RHBDD1: variants seen among roughly 807,000 people sequenced by gnomAD.
The protein encoded by RHBDD1 is rhomboid-related protein 4.
RHBDD1 carries 38 observed loss-of-function variants against 36.3 expected under a neutral mutation model. That is an observed-to-expected ratio of 1.05 (90% CI 0.81 to 1.37). RHBDD1 has a LOEUF of 1.37. Among genes scored for constraint, RHBDD1 ranks in the 40% most tolerant of loss-of-function variants. RHBDD1 has a pLI of 0.00. For missense variants in RHBDD1, 393 were observed against 377.6 expected (o/e 1.04, Z -0.34); for synonymous variants, 151 against 136.5 (o/e 1.11, Z -0.74).
chr2:226,855,971 A>G (rs1226811899), intron 3 of RHBDD1, among the ~76,000 whole-genome samples: 1 of 152,196 alleles, frequency 6.6e-6, no homozygotes, highest in Non-Finnish European at 1.5e-5. Flanking sequence ...TCATTAATGT[A>G]GCTCTGGAAG....
At chr2:226,911,322 G>A (rs542119642) in intron 7 of RHBDD1, among the ~76,000 whole-genome samples, 107 of 152,184 alleles carry the variant, frequency 7.0e-4, no homozygotes, top group South Asian at 3.3e-3. Context: ...AGCCATGTGG[G>A]AAATTACCCA....
intron 8 of RHBDD1, among the ~76,000 whole-genome samples, chr2:226,937,830 T>C (rs1218062043): frequency 2.0e-5 from 3 of 152,230 alleles, no homozygotes; most frequent in Non-Finnish European, 2.9e-5. Flanking sequence ...ATTTTCTTTA[T>C]CCAGTCTATC....
intron 3 of RHBDD1, among the ~76,000 whole-genome samples, chr2:226,848,865 G>C (rs1423207129): frequency 6.6e-6 from 1 of 152,174 alleles, no homozygotes; most frequent in South Asian, 2.1e-4. Flanking sequence ...AATTTATAAA[G>C]TTTAGAGGAT....
chr2:226,880,489 T>A (rs1191235337), intron 5 of RHBDD1, among the ~76,000 whole-genome samples: 1 of 152,198 alleles, frequency 6.6e-6, no homozygotes, highest in East Asian at 1.9e-4. Context: ...TCAGATTTTA[T>A]GAGATGAGAA....
At chr2:226,812,590 C>T in the RHBDD1 span, among the ~76,000 whole-genome samples, 1 of 152,066 alleles carries the variant, frequency 6.6e-6, no homozygotes, top group African/African-American at 2.4e-5. Flanking sequence ...GAACAATCCC[C>T]ATGGTGGGGG....
chr2:226,915,688 G>A (rs766154622), intron 8 of RHBDD1, among the ~76,000 whole-genome samples: 20 of 152,072 alleles, frequency 1.3e-4, no homozygotes, highest in Admixed American at 3.3e-4. Flanking sequence ...GACAACAAGC[G>A]GGAGACAAGT....
chr2:226,883,007 C>T (rs1945899196), intron 5 of RHBDD1, among the ~76,000 whole-genome samples: 1 of 152,188 alleles, frequency 6.6e-6, no homozygotes, highest in African/African-American at 2.4e-5. Flanking sequence ...TCATCTAAAT[C>T]TAAATATCTC....
At chr2:226,877,835 A>G (rs1184553910) in intron 5 of RHBDD1, among the ~76,000 whole-genome samples, 8 of 152,224 alleles carry the variant, frequency 5.3e-5, no homozygotes, top group African/African-American at 1.9e-4. Flanking sequence ...CCTAAACACC[A>G]TGAATATGTG....
At chr2:226,928,379 T>A (rs1159974297) in intron 8 of RHBDD1, among the ~76,000 whole-genome samples, 2 of 152,046 alleles carry the variant, frequency 1.3e-5, no homozygotes, top group Admixed American at 1.3e-4. Flanking sequence ...ACATGGAAAT[T>A]AAGCAAATCT....
intron 8 of RHBDD1, among the ~76,000 whole-genome samples, chr2:226,957,705 AAG>A (rs1951872216): frequency 6.6e-6 from 1 of 152,196 alleles, no homozygotes; most frequent in Non-Finnish European, 1.5e-5. Context: ...CAATAACCAC[AAG>A]ACAGCCCACT....
intron 5 of RHBDD1, among the ~76,000 whole-genome samples, chr2:226,883,737 G>A (rs1945976862): frequency 6.6e-6 from 1 of 152,120 alleles, no homozygotes. Flanking sequence ...GATGAGTGGA[G>A]GTTATTTTAA....
chr2:226,821,006 C>CCCCAT, the RHBDD1 span, among the ~76,000 whole-genome samples: 1 of 152,150 alleles, frequency 6.6e-6, no homozygotes, highest in Non-Finnish European at 1.5e-5. Flanking sequence ...CTTCTGGTAC[C>CCCCAT]CCCATCCTCT....
In RHBDD1 at chr2:226,879,072, CAAA is replaced by C. The variant is rs916415771; in HGVS notation, c.566+11770_566+11772del. Among the ~76,000 whole-genome samples the C allele has an allele frequency of 3.0e-4, 25 of 84,088 alleles. 1 individual carries two copies. The highest frequency in any genetic ancestry group is 7.6e-4 in the African/African-American group (21 of 27,730). 55.2% of individuals were successfully genotyped at this position (84,088 alleles called of 152,430 possible). ...ATTTAGTGTGTCACAACTGGCATTC[CAAA>C]AAAAAAAAAAAAAAACAGACATAGA... On this transcript the variant is annotated intron_variant, in intron 5 of 8. Transcript: ENST00000392062.
intron 5 of RHBDD1, among the ~76,000 whole-genome samples, chr2:226,898,628 A>G (rs1332638341): frequency 6.6e-6 from 1 of 152,256 alleles, no homozygotes; most frequent in African/African-American, 2.4e-5. Context: ...CATCAAGGAC[A>G]GAAAACAAGA....
chr2:226,948,564 TAAAAAAAA>T (rs56325989), intron 8 of RHBDD1, among the ~76,000 whole-genome samples: 107 of 23,550 alleles, frequency 4.5e-3, no homozygotes, highest in African/African-American at 0.019. Flanking sequence ...ACTTAAAGTA[TAAAAAAAA>T]AAAAAAAAAA....
chr2:226,948,587 G>GAAAAAAAAAAAAAAAAAAAAA (rs1951188463), intron 8 of RHBDD1, among the ~76,000 whole-genome samples: 2 of 82,516 alleles, frequency 2.4e-5, no homozygotes, highest in African/African-American at 4.8e-5. Flanking sequence ...AAAAAAAAAC[G>GAAAAAAAAAAAAAAAAAAAAA]AAAAAAATAA....
intron 8 of RHBDD1, among the ~76,000 whole-genome samples, chr2:226,954,307 C>G (rs55796888): frequency 0.078 from 11,842 of 152,114 alleles, 511 homozygotes; most frequent in East Asian, 0.18. Context: ...ATTGATATTT[C>G]TTAGACCATA....
At chr2:226,954,828 G>A (rs1377398405) in intron 8 of RHBDD1, among the ~76,000 whole-genome samples, 1 of 151,946 alleles carries the variant, frequency 6.6e-6, no homozygotes, top group Admixed American at 6.6e-5. Context: ...TTAAGTTGAG[G>A]CCTAAAAGAA....
At chr2:226,919,784 C>T (rs147321172) in intron 8 of RHBDD1, among the ~76,000 whole-genome samples, 8 of 151,904 alleles carry the variant, frequency 5.3e-5, no homozygotes, top group African/African-American at 1.9e-4. Flanking sequence ...TCTTTCTGCT[C>T]GGGATAGCTT....
Sources: gnomAD v4.1 joint callset for allele counts (sites outside exome capture counted in the v4.1 genomes callset) on GRCh38, gnomAD v4.1.1 for gene constraint, MANE v1.5 for transcripts, NCBI Gene and HGNC (gene_info 2026-07-23, HGNC 2026-07-21) for gene names.